BMPER: variants seen among roughly 807,000 people sequenced by gnomAD.
BMPER encodes BMP binding endothelial regulator, also known as BMP-binding endothelial regulator protein.
A neutral mutation model predicts 87.3 loss-of-function variants in BMPER; 45 were observed. The ratio of observed to expected loss-of-function variants is 0.52; its 90% CI spans 0.41 to 0.66. The LOEUF (loss-of-function observed/expected upper bound fraction) is 0.66, where lower values mean the gene tolerates loss of function less well. BMPER is among the 30% of genes least tolerant of loss of function. BMPER has a pLI of 0.00. For synonymous variants in BMPER, 326 were observed against 316.2 expected, an observed-to-expected ratio of 1.03 and a Z score of -0.33; for missense variants, 784 against 867.5, an observed-to-expected ratio of 0.90 and a Z score of 1.21.
rs114278111 is a variant in BMPER, at chr7:34,033,487, A to T, written c.577-12819A>T. Among the ~76,000 whole-genome samples, 1,347 of 152,316 alleles carry T rather than the reference A, an allele frequency of 8.8e-3. 20 individuals are homozygous for T. The highest frequency in any genetic ancestry group is 0.031 in the African/African-American group (1,275 of 41,560). The stretch of plus-strand genomic sequence containing the variant: ...ATTTTCTGGATTTCCTGGTTAAAAA[A>T]AAAGCTAAGTGTTCAGCCTTCAGTA... On this transcript the variant is annotated intron_variant, in intron 6 of 14. Transcript: ENST00000649409.
At chr7:33,905,106 C>A (rs1050658413), upstream of BMPER, 1 of 168,818 alleles carries the variant, frequency 5.9e-6, no homozygotes, top group Non-Finnish European at 1.3e-5. Flanking sequence ...GGAGCGAGCG[C>A]GCTCCGGGAG....
intron 6 of BMPER, among the ~76,000 whole-genome samples, chr7:33,987,685 T>TTC (rs1418692388): frequency 1.3e-5 from 2 of 152,270 alleles, no homozygotes; most frequent in East Asian, 3.9e-4. Flanking sequence ...CTTTTTTTTT[T>TTC]TCCTCTTGTG....
At chr7:33,992,080 T>A (rs1223527580) in intron 6 of BMPER, among the ~76,000 whole-genome samples, 35 of 152,214 alleles carry the variant, frequency 2.3e-4, no homozygotes, top group Middle Eastern at 3.4e-3. Flanking sequence ...GTGCTGAAAA[T>A]AAAGTATATT....
chr7:34,082,857 G>T (rs1445405007), intron 12 of BMPER, among the ~76,000 whole-genome samples: 1 of 151,986 alleles, frequency 6.6e-6, no homozygotes, highest in South Asian at 2.1e-4. Flanking sequence ...GTCTAGGAAA[G>T]AGATTTGTAG....
rs1235586267 is a variant in BMPER, at chr7:34,143,320, G to A, written c.1836G>A (p.Glu612=). 1 of 1,613,880 alleles carries A rather than the reference G, an allele frequency of 6.2e-7. No homozygotes were observed. The highest frequency in any genetic ancestry group is 8.5e-7 in the Non-Finnish European group (1 of 1,179,954). Residue 612 remains glutamate, a synonymous_variant, in exon 14 of 15, where the codon GAG becomes GAA. Transcript: ENST00000649409. ...CATATACCCGGGCCTGCCAGAGAGA[G>A]GGCATCAAAGTCCACTGGGAGCCTC... The part of the protein sequence containing the change: ...FLAYTRACQR[E]GIKVHWEPQQ...
At chr7:34,088,357 G>A (rs1789279496) in intron 13 of BMPER, among the ~76,000 whole-genome samples, 1 of 152,212 alleles carries the variant, frequency 6.6e-6, no homozygotes, top group South Asian at 2.1e-4. Flanking sequence ...TCATGAACCT[G>A]AAAGGGAGAG....
chr7:34,139,793 G>A (rs1051092129), intron 13 of BMPER, among the ~76,000 whole-genome samples: 1 of 152,056 alleles, frequency 6.6e-6, no homozygotes, highest in Non-Finnish European at 1.5e-5. Context: ...AATGGCTGTA[G>A]GGTGTTTCAT....
At chr7:33,994,615 C>G (rs1393834457) in intron 6 of BMPER, among the ~76,000 whole-genome samples, 1 of 152,190 alleles carries the variant, frequency 6.6e-6, no homozygotes, top group South Asian at 2.1e-4. Context: ...TAGACCGGAG[C>G]TGTTCCTATT....
chr7:34,117,584 G>A (rs1790149588), intron 13 of BMPER, among the ~76,000 whole-genome samples: 1 of 152,140 alleles, frequency 6.6e-6, no homozygotes, highest in African/African-American at 2.4e-5. Flanking sequence ...ATCATAACTC[G>A]AAGAAAGGTA....
intron 14 of BMPER, among the ~76,000 whole-genome samples, chr7:34,148,073 T>C (rs1791075589): frequency 6.6e-6 from 1 of 152,250 alleles, no homozygotes; most frequent in Middle Eastern, 3.4e-3. Context: ...TCTCTGCCTC[T>C]CTCTCCTACC....
At chr7:34,024,385 ATATATATATATAT>A (rs1562695226) in intron 6 of BMPER, among the ~76,000 whole-genome samples, 28 of 3,748 alleles carry the variant, frequency 7.5e-3, no homozygotes, top group African/African-American at 0.011. Flanking sequence ...AAAAAAAACA[ATATATATATATAT>A]ATATATATAT....
chr7:34,084,335 A>G, intron 12 of BMPER, among the ~76,000 whole-genome samples: 1 of 152,210 alleles, frequency 6.6e-6, no homozygotes, highest in South Asian at 2.1e-4. Context: ...CACACGGGGT[A>G]AGTGGGCAGA....
chr7:34,032,725 C>T (rs1318632966), intron 6 of BMPER, among the ~76,000 whole-genome samples: 8 of 152,134 alleles, frequency 5.3e-5, no homozygotes. Context: ...AATGCTTCTG[C>T]TTTTTAAAGT....
At chr7:34,067,132 T>C (rs1304667014) in intron 11 of BMPER, 1 of 152,190 alleles carries the variant, frequency 6.6e-6, no homozygotes, top group Non-Finnish European at 1.5e-5. Flanking sequence ...ACAGGAAATA[T>C]CAAATTTCAG....
chr7:34,009,643 G>C (rs1786826776), intron 6 of BMPER, among the ~76,000 whole-genome samples: 1 of 151,980 alleles, frequency 6.6e-6, no homozygotes, highest in South Asian at 2.1e-4. Context: ...ATGTGAGAGA[G>C]AGGTGGCATT....
chr7:34,115,589 A>G (rs1790097444), intron 13 of BMPER, among the ~76,000 whole-genome samples: 3 of 152,210 alleles, frequency 2.0e-5, no homozygotes, highest in Non-Finnish European at 4.4e-5. Context: ...AAATGAAATT[A>G]TATAATATGT....
intron 4 of BMPER, among the ~76,000 whole-genome samples, chr7:33,969,117 G>A (rs1414236706): frequency 6.6e-6 from 1 of 152,188 alleles, no homozygotes; most frequent in Non-Finnish European, 1.5e-5. Flanking sequence ...TAAGGATGTA[G>A]CCCTCCTTGT....
chr7:34,052,190 TGTAGTG>T (rs1041858640), intron 8 of BMPER, among the ~76,000 whole-genome samples: 1 of 152,162 alleles, frequency 6.6e-6, no homozygotes, highest in Non-Finnish European at 1.5e-5. Flanking sequence ...GTTAGCTCCT[TGTAGTG>T]AGAATCAGGC....
At chr7:33,923,483 T>C (rs879633427) in intron 2 of BMPER, among the ~76,000 whole-genome samples, 30 of 152,202 alleles carry the variant, frequency 2.0e-4, no homozygotes, top group Non-Finnish European at 3.7e-4. Context: ...AGATTTCCTC[T>C]GAGACTTAGG....
Sources: allele counts gnomAD v4.1 joint callset (sites outside exome capture counted in the v4.1 genomes callset), GRCh38; gene constraint gnomAD v4.1.1; transcripts MANE v1.5; gene names NCBI Gene and HGNC (gene_info 2026-07-23, HGNC 2026-07-21).